ZNF831: variants seen among roughly 807,000 people sequenced by gnomAD.
The protein encoded by ZNF831 is chromosome 20 open reading frame 174.
In ZNF831, 59 loss-of-function variants were observed where a neutral mutation model predicts 95.8. The ratio of observed to expected loss-of-function variants is 0.62; its 90% CI spans 0.50 to 0.77. The LOEUF (loss-of-function observed/expected upper bound fraction) is 0.77. ZNF831 is among the 30% of genes least tolerant of loss of function. The pLI, the probability that ZNF831 is intolerant of heterozygous loss-of-function variation, is 0.00. For missense variants in ZNF831, 2,205 were observed against 2,164.0 expected (o/e 1.02, Z -0.38); for synonymous variants, 961 against 925.5 (o/e 1.04, Z -0.70).
intron 1 of ZNF831, among the ~76,000 whole-genome samples, chr20:59,173,585 G>T (rs917187036): frequency 1.3e-5 from 2 of 152,202 alleles, no homozygotes; most frequent in African/African-American, 4.8e-5. Context: ...GCACTTTGCC[G>T]CAATTGACCA....
Position 59,257,926 on chromosome 20 carries a change from C to A in ZNF831, c.*3183C>A, listed in dbSNP as rs1188211376. 1 of 152,168 alleles carries A rather than the reference C, an allele frequency of 6.6e-6. No homozygotes were observed. The highest frequency in any genetic ancestry group is 1.5e-5 in the Non-Finnish European group (1 of 68,032). The allele number at this position is 152,168 out of a possible 1,614,324, so 9.4% of individuals were successfully genotyped here. On this transcript the variant is annotated 3_prime_UTR_variant, in exon 6 of 6. Coordinates refer to ENST00000371030, the MANE Select transcript of ZNF831 (RefSeq NM_178457.3). ...CACCTGTACCTACACCCAGCTAGAT[C>A]TTGTCGTTAAAGATGTATGGAGGGA...
intron 1 of ZNF831, among the ~76,000 whole-genome samples, chr20:59,167,903 T>A (rs1184410369): frequency 6.6e-6 from 1 of 151,480 alleles, no homozygotes; most frequent in Non-Finnish European, 1.5e-5. Context: ...TGGGTATATT[T>A]GTGCAGATTG....
chr20:59,126,221 C>G (rs889792369), intron 1 of ZNF831, among the ~76,000 whole-genome samples: 1 of 152,172 alleles, frequency 6.6e-6, no homozygotes, highest in Non-Finnish European at 1.5e-5. Flanking sequence ...GAACAGCCCC[C>G]TCTCTCTCCC....
At chr20:59,215,469 A>G (rs1985616380) in intron 4 of ZNF831, among the ~76,000 whole-genome samples, 2 of 152,240 alleles carry the variant, frequency 1.3e-5, no homozygotes, top group African/African-American at 2.4e-5. Flanking sequence ...TCCAATGGAG[A>G]TTTTAGAAAA....
At chr20:59,177,629 A>C (rs1982272852) in intron 1 of ZNF831, among the ~76,000 whole-genome samples, 1 of 152,116 alleles carries the variant, frequency 6.6e-6, no homozygotes. Flanking sequence ...CTTGTTAGGG[A>C]TGCTCACCTG....
intron 1 of ZNF831, among the ~76,000 whole-genome samples, chr20:59,141,710 T>C (rs1979685843): frequency 2.0e-5 from 3 of 152,258 alleles, no homozygotes; most frequent in African/African-American, 4.8e-5. Flanking sequence ...CCTTTGCCTT[T>C]CCATGTAAAT....
chr20:59,130,224 C>T (rs149015919), intron 1 of ZNF831, among the ~76,000 whole-genome samples: 28 of 152,290 alleles, frequency 1.8e-4, no homozygotes, highest in African/African-American at 6.5e-4. Context: ...AGAGAAGGTT[C>T]TCTTGGGTGG....
chr20:59,253,774 C>A, intron 5 of ZNF831, 124 bp from the exon 6 acceptor site: 1 of 1,145,286 alleles, frequency 8.7e-7, no homozygotes, highest in Non-Finnish European at 1.2e-6. Context: ...GAAGTTCACC[C>A]TTGGTAAAGA....
rs1983570910 is a variant in ZNF831, at chr20:59,191,873, T to C, written c.854T>C (p.Met285Thr). The C allele has an allele frequency of 6.2e-7, 1 of 1,613,038 alleles. No individual in the cohort carries two copies. Among genetic ancestry groups the C allele is most frequent in the Non-Finnish European group, 8.5e-7 (1 of 1,179,936 alleles). Residue 285 changes from methionine (M) to threonine (T), a missense_variant, in exon 2 of 6, where the codon ATG becomes ACG. Coordinates refer to ENST00000371030, the MANE Select transcript of ZNF831 (RefSeq NM_178457.3). ...DREAPWDSAP[M>T]ASPGLPAAST... Reference sequence around the variant, plus strand: ...GAGGCTCCTTGGGACTCTGCCCCCATGGCGTCACCTGGGCTCCCAGCGGCC... The same window carrying C: ...GAGGCTCCTTGGGACTCTGCCCCCACGGCGTCACCTGGGCTCCCAGCGGCC...
chr20:59,151,008 A>G (rs1980200040), intron 2 of ZNF831, among the ~76,000 whole-genome samples: 1 of 152,010 alleles, frequency 6.6e-6, no homozygotes, highest in South Asian at 2.1e-4. Context: ...CAGATGGGAG[A>G]CCCATGAGCA....
Position 59,193,146 on chromosome 20 carries a change from G to A in ZNF831, c.2127G>A (p.Lys709=), listed in dbSNP as rs2146577778. 6 of 1,577,290 alleles carry A rather than the reference G, an allele frequency of 3.8e-6. 1 individual carries two copies. Among genetic ancestry groups the A allele is most frequent in the Middle Eastern group, 3.3e-4 (2 of 6,020 alleles). Residue 709 remains lysine (K), a synonymous_variant, in exon 2 of 6, where the codon AAG becomes AAA. Transcript: ENST00000371030. ...LEASLVTEPT[K]HGETVARRGD... ...CCTCCTTGGTGACTGAACCCACTAAGCATGGGGAGACGGTGGCCAGGAGAG... is the reference window on the plus strand; with the variant it reads ...CCTCCTTGGTGACTGAACCCACTAAACATGGGGAGACGGTGGCCAGGAGAG...
At position 59,191,281 on chromosome 20, in the gene ZNF831, C is replaced by G. The variant is rs200510991; in HGVS notation, c.262C>G (p.Pro88Ala). 1 of 1,569,806 alleles carries G rather than the reference C, an allele frequency of 6.4e-7. No individual in the cohort carries two copies. The highest frequency in any genetic ancestry group is 8.6e-7 in the Non-Finnish European group (1 of 1,158,116). The stretch of plus-strand genomic sequence containing the variant: ...GGGCAGCCTAGATGGGGGCAACGTG[C>G]CCTTCATACTCAGCCCTGTGCTGCA... ...VTGSLDGGNVPFILSPVLQPE... is the reference protein window; with the variant it reads ...VTGSLDGGNVAFILSPVLQPE... The change falls in exon 2 of 6, where the codon CCC becomes GCC. Residue 88 changes from proline to alanine, a missense_variant. Transcript: ENST00000371030.
At chr20:59,237,474 G>A (rs1226580115) in intron 4 of ZNF831, among the ~76,000 whole-genome samples, 2 of 152,152 alleles carry the variant, frequency 1.3e-5, no homozygotes, top group Admixed American at 1.3e-4. Flanking sequence ...AGCCTCCCAA[G>A]TAGCTGGAAT....
At chr20:59,235,405 C>T (rs961604176) in intron 4 of ZNF831, among the ~76,000 whole-genome samples, 4 of 152,116 alleles carry the variant, frequency 2.6e-5, no homozygotes, top group Non-Finnish European at 5.9e-5. Context: ...TTCGTTGTAA[C>T]CTCTGCCCCC....
chr20:59,190,980 G>A lies in ZNF831; in HGVS notation c.-36-4G>A, dbSNP rs2146541206. ...CCATGGTAAAGTTTGGTTGTTGTCT[G>A]CAGGTTTTCCAGCATTGTGGGCCAT... On this transcript the variant is annotated splice_polypyrimidine_tract_variant and splice_region_variant and intron_variant, in intron 1 of 5. Coordinates refer to ENST00000371030, the MANE Select transcript of ZNF831 (RefSeq NM_178457.3). 6.8e-7 allele frequency: 1 copy of A among 1,464,632 alleles called. No homozygotes were observed. Among genetic ancestry groups the A allele is most frequent in the Non-Finnish European group, 9.0e-7 (1 of 1,117,306 alleles). The allele number at this position is 1,464,632 out of a possible 1,614,324, so 90.7% of individuals were successfully genotyped here. A position where few individuals can be genotyped will look rare whatever the true frequency, so the allele number is the denominator to read the frequency against.
At chr20:59,137,655 G>C (rs569926473) in intron 1 of ZNF831, among the ~76,000 whole-genome samples, 1 of 152,326 alleles carries the variant, frequency 6.6e-6, no homozygotes, top group East Asian at 1.9e-4. Context: ...TTTGGTTTAT[G>C]GCAGTATCAT....
At chr20:59,162,424 T>A (rs1279985308), upstream of ZNF831, among the ~76,000 whole-genome samples, 1 of 152,230 alleles carries the variant, frequency 6.6e-6, no homozygotes, top group Non-Finnish European at 1.5e-5. Context: ...TTGGGTTAAT[T>A]TTTGTATATA....
intron 1 of ZNF831, among the ~76,000 whole-genome samples, chr20:59,174,242 C>T (rs1402151914): frequency 3.3e-5 from 5 of 152,152 alleles, no homozygotes; most frequent in African/African-American, 2.4e-5. Flanking sequence ...GCTTTAGTTT[C>T]CCTGTCTGGA....
Position 59,163,992 on chromosome 20 carries a change from C to G in ZNF831, c.-252C>G, listed in dbSNP as rs1383688602. Among the ~76,000 whole-genome samples the G allele has an allele frequency of 1.3e-5, 2 of 152,074 alleles. No homozygotes were observed. The highest frequency in any genetic ancestry group is 4.8e-5 in the African/African-American group (2 of 41,392). ...TCTCCGTTCTCTGAGATGCTGCCTGCAGAGTAGGAACTGGGAGAGAACACT... is the reference window on the plus strand; with the variant it reads ...TCTCCGTTCTCTGAGATGCTGCCTGGAGAGTAGGAACTGGGAGAGAACACT... On this transcript the variant is annotated 5_prime_UTR_variant, in exon 1 of 6. Transcript: ENST00000371030.
Sources: allele counts gnomAD v4.1 joint callset (sites outside exome capture counted in the v4.1 genomes callset), GRCh38; gene constraint gnomAD v4.1.1; transcripts MANE v1.5; gene names NCBI Gene and HGNC (gene_info 2026-07-23, HGNC 2026-07-21).